Variants in COL18A1 observed in about 807,000 individuals in gnomAD.
COL18A1 encodes the protein collagen alpha-1(XVIII) chain.
COL18A1 carries 133 observed loss-of-function variants against 168.0 expected under a neutral mutation model. The observed-to-expected ratio is 0.79, with a 90% confidence interval of 0.69 to 0.91. The LOEUF (loss-of-function observed/expected upper bound fraction) is 0.91, where lower values mean the gene tolerates loss of function less well. COL18A1 is among the 40% of genes least tolerant of loss of function. COL18A1 has a pLI of 0.00. For missense variants in COL18A1, 2,126 were observed against 1,925.4 expected, an observed-to-expected ratio of 1.10 and a Z score of -1.95; for synonymous variants, 949 against 809.0, an observed-to-expected ratio of 1.17 and a Z score of -2.94.
At chr21:45,454,860 G>A (rs1029603985) in intron 2 of COL18A1, among the ~76,000 whole-genome samples, 6 of 152,210 alleles carry the variant, frequency 3.9e-5, no homozygotes, top group Non-Finnish European at 4.4e-5. Context: ...CCCGGGCTCC[G>A]TCTCTGCTGG....
In COL18A1 at chr21:45,423,259, C is replaced by A. The variant is rs541006866; in HGVS notation, c.106+17786C>A. On this transcript the variant is annotated intron_variant, in intron 2 of 41. Transcript: ENST00000651438. This position sits in a 1 kb window ranked among gnomAD's most constrained non-coding sequence, Gnocchi z 4.0. The stretch of plus-strand genomic sequence containing the variant: ...CATGGTTCTTGAGGGTTAGCTGGTC[C>A]AGTTCCCGCGTGTTGGCCGGTCTGG... Among the ~76,000 whole-genome samples, 1 of 152,276 alleles carries A rather than the reference C, an allele frequency of 6.6e-6. No individual in the cohort carries two copies. The highest frequency in any genetic ancestry group is 1.9e-4 in the East Asian group (1 of 5,172).
intron 29 of COL18A1, chr21:45,496,291 G>A (rs1352895956): frequency 9.8e-6 from 7 of 712,030 alleles, no homozygotes; most frequent in Middle Eastern, 5.4e-4. Flanking sequence ...GTCTGTGCAC[G>A]ACTCCAGCGT....
At chr21:45,474,391 A>C (rs62216326) in intron 4 of COL18A1, among the ~76,000 whole-genome samples, 2 of 135,064 alleles carry the variant, frequency 1.5e-5, no homozygotes, top group South Asian at 2.4e-4. Context: ...TGTGTGTTGT[A>C]TGTGTGTCTC....
At chr21:45,452,275 G>A (rs2034638582) in intron 2 of COL18A1, among the ~76,000 whole-genome samples, 1 of 152,266 alleles carries the variant, frequency 6.6e-6, no homozygotes, top group Admixed American at 6.5e-5. Flanking sequence ...GAGAGTGCAA[G>A]TACATGGTGA....
chr21:45,454,613 G>GT (rs1379717905), intron 2 of COL18A1, among the ~76,000 whole-genome samples: 2 of 152,234 alleles, frequency 1.3e-5, no homozygotes, highest in African/African-American at 2.4e-5. Context: ...TCATGCCTCA[G>GT]TTTTCTTCAT....
Position 45,488,398 on chromosome 21 carries a change from T to A in COL18A1, c.1897-20T>A. 1 of 1,613,796 alleles carries A rather than the reference T, an allele frequency of 6.2e-7. No individual in the cohort carries two copies. Among genetic ancestry groups the A allele is most frequent in the Non-Finnish European group, 8.5e-7 (1 of 1,179,976 alleles). On this transcript the variant is annotated intron_variant, in intron 17 of 41. Transcript: ENST00000651438. Reference sequence around the variant, plus strand: ...AGGGCCTCCAGCTGCACTAACACTGTGTCTCCTCTGCCCTGACAGGGACCT... The same window carrying A: ...AGGGCCTCCAGCTGCACTAACACTGAGTCTCCTCTGCCCTGACAGGGACCT...
chr21:45,420,985 C>T (rs1404611895), intron 2 of COL18A1: 3 of 165,978 alleles, frequency 1.8e-5, no homozygotes, highest in Non-Finnish European at 3.9e-5. Flanking sequence ...CTACCTCTGT[C>T]CCAGGAGGGT....
rs748717777 is a variant in COL18A1, at chr21:45,455,641, C to T, written c.107-12601C>T. ...ACTGGCTTTGGTTCAATAATGAGGA[C>T]ACCAGCCATGCAGCTACCACGATCC... is the stretch of plus-strand genomic sequence containing the variant. On this transcript the variant is annotated intron_variant, in intron 2 of 41. Coordinates refer to ENST00000651438, the MANE Select transcript of COL18A1 (RefSeq NM_001379500.1). 24 of 1,613,872 alleles carry T rather than the reference C, an allele frequency of 1.5e-5. No homozygotes were observed. The Middle Eastern group carries it at 4.9e-4, about 33-fold the overall frequency.
intron 2 of COL18A1, among the ~76,000 whole-genome samples, chr21:45,432,464 C>T (rs2033989795): frequency 6.6e-6 from 1 of 152,242 alleles, no homozygotes; most frequent in African/African-American, 2.4e-5. Context: ...GACTGGGGTG[C>T]TCAGCTGGAG....
At chr21:45,490,113 C>A (rs866568301) in intron 19 of COL18A1, among the ~76,000 whole-genome samples, 162 bp from the exon 20 acceptor site, 14 of 63,776 alleles carry the variant, frequency 2.2e-4, no homozygotes, top group African/African-American at 8.9e-4. Flanking sequence ...TCCCCCCTCC[C>A]CCACTCCTCC....
At chr21:45,460,643 A>T (rs2035009784) in intron 2 of COL18A1, among the ~76,000 whole-genome samples, 1 of 152,234 alleles carries the variant, frequency 6.6e-6, no homozygotes, top group South Asian at 2.1e-4. Flanking sequence ...AATTTGAGAA[A>T]ATGTCCCTTC....
At chr21:45,410,115 G>A (rs1602326551) in intron 2 of COL18A1, 3 of 151,928 alleles carry the variant, frequency 2.0e-5, no homozygotes, top group Non-Finnish European at 2.9e-5. Context: ...CAGCTCCTCC[G>A]GCGCGGGCAG....
chr21:45,505,625 G>T (rs1385851888), intron 36 of COL18A1, among the ~76,000 whole-genome samples, 194 bp downstream of exon 36: 1 of 152,180 alleles, frequency 6.6e-6, no homozygotes, highest in African/African-American at 2.4e-5. Context: ...CACCAGCCGG[G>T]AAGTGCCCAG....
chr21:45,438,360 G>T, intron 2 of COL18A1, among the ~76,000 whole-genome samples: 1 of 135,774 alleles, frequency 7.4e-6, no homozygotes. Flanking sequence ...AGACACACAG[G>T]CACTCTCCTG....
In COL18A1 at chr21:45,505,401, G is replaced by C; in HGVS notation, c.3057G>C (p.Gly1019=). Residue 1019 remains glycine (G), a synonymous_variant, in exon 36 of 42, where the codon GGG becomes GGC. Coordinates refer to ENST00000651438, the MANE Select transcript of COL18A1 (RefSeq NM_001379500.1). ...CTCCGGGCCCCCCTGGGCCCCCTGG[G>C]CCCCCTGGAACCATGGGCGCCTCCT... The part of the protein sequence containing the change: ...PGPPGPPGPP[G]PPGTMGASSG... 1.9e-6 allele frequency: 3 copies of C among 1,583,996 alleles called. No homozygotes were observed. The highest frequency in any genetic ancestry group is 2.6e-6 in the Non-Finnish European group (3 of 1,158,786).
chr21:45,429,749 C>T (rs1351854638), intron 2 of COL18A1, among the ~76,000 whole-genome samples: 1 of 152,190 alleles, frequency 6.6e-6, no homozygotes. Context: ...CCAGTGTGTC[C>T]TCAGCTGCCA....
At chr21:45,427,910 G>A (rs148841885) in intron 2 of COL18A1, among the ~76,000 whole-genome samples, 50 of 152,330 alleles carry the variant, frequency 3.3e-4, no homozygotes, top group African/African-American at 1.2e-3. Context: ...CCCGGGGCCT[G>A]GATGAGTCTG....
chr21:45,461,597 C>T (rs562634766), intron 2 of COL18A1, among the ~76,000 whole-genome samples: 5 of 150,474 alleles, frequency 3.3e-5, no homozygotes, highest in South Asian at 2.1e-4. Flanking sequence ...GGGCCCCCCT[C>T]GAGGCTTCCT....
At position 45,506,479 on chromosome 21, in the gene COL18A1, C is replaced by A. The variant is rs1427567250; in HGVS notation, c.3216+513C>A. 5 of 243,768 alleles carry A rather than the reference C, an allele frequency of 2.1e-5. No homozygotes were observed. In the East Asian group the frequency reaches 5.2e-4, roughly 25 times the overall value. 15.1% of individuals were successfully genotyped at this position (243,768 alleles called of 1,614,324 possible). A position where few individuals can be genotyped will look rare whatever the true frequency, so the allele number is the denominator to read the frequency against. ...CTCCTCAGACACACCTGGGATTGCC[C>A]CTTCCAGGACAGGCCAGCCCCTTTC... On this transcript the variant is annotated intron_variant, in intron 37 of 41. Coordinates refer to ENST00000651438, the MANE Select transcript of COL18A1 (RefSeq NM_001379500.1).
Sources: gnomAD v4.1 joint callset for allele counts (sites outside exome capture counted in the v4.1 genomes callset) on GRCh38, gnomAD v4.1.1 for gene constraint, Gnocchi (gnomAD v3.1) non-coding constraint, MANE v1.5 for transcripts, NCBI Gene and HGNC (gene_info 2026-07-23, HGNC 2026-07-21) for gene names.